CACNA1E: variants seen among roughly 807,000 people sequenced by gnomAD.
CACNA1E encodes the protein calcium voltage-gated channel subunit alpha1 E, also known as voltage-dependent R-type calcium channel subunit alpha-1E.
In CACNA1E, 40 loss-of-function variants were observed where a neutral mutation model predicts 259.2. The ratio of observed to expected loss-of-function variants is 0.15; its 90% confidence interval spans 0.12 to 0.20. The LOEUF is 0.20. Ranked by LOEUF, CACNA1E falls within the 10% of genes least tolerant of loss-of-function variation. CACNA1E has a pLI of 1.00. For missense variants in CACNA1E, 1,874 were observed against 3,040.1 expected (o/e 0.62, Z 9.02); for synonymous variants, 1,104 against 1,138.5 (o/e 0.97, Z 0.61).
At chr1:181,718,659 CACACA>C (rs1654148333) in intron 12 of CACNA1E, among the ~76,000 whole-genome samples, 2 of 148,536 alleles carry the variant, frequency 1.3e-5, no homozygotes, top group Non-Finnish European at 3.0e-5. Flanking sequence ...CACACACACA[CACACA>C]CACCCTTATA....
chr1:181,668,230 G>T (rs2102179937), intron 7 of CACNA1E, among the ~76,000 whole-genome samples: 1 of 152,260 alleles, frequency 6.6e-6, no homozygotes, highest in South Asian at 2.1e-4. Flanking sequence ...TTAAATAAAT[G>T]GAATCATAGG....
chr1:181,349,988 C>T (rs1652907648), intron 1 of CACNA1E, among the ~76,000 whole-genome samples: 1 of 152,122 alleles, frequency 6.6e-6, no homozygotes, highest in Non-Finnish European at 1.5e-5. Context: ...TAAAGAACCT[C>T]GCCTCCTCAA....
intron 7 of CACNA1E, among the ~76,000 whole-genome samples, chr1:181,674,744 C>G (rs1283540613): frequency 6.6e-6 from 1 of 152,110 alleles, no homozygotes; most frequent in African/African-American, 2.4e-5. Flanking sequence ...TCTCAAGTCT[C>G]TCTCTACACC....
At position 181,771,311 on chromosome 1, in the gene CACNA1E, T is replaced by C; in HGVS notation, c.4900T>C (p.Leu1634=). 1 of 1,584,122 alleles carries C rather than the reference T, an allele frequency of 6.3e-7. No individual in the cohort carries two copies. Among genetic ancestry groups the C allele is most frequent in the Non-Finnish European group, 8.6e-7 (1 of 1,160,412 alleles). ...IGMQVFGNIK[L]DEESHINRHN... Reference sequence around the variant, plus strand: ...CCTCAAGGTATTTGGAAACATAAAATTAGACGAGGAGAGTCACATCAACCG... The same window carrying C: ...CCTCAAGGTATTTGGAAACATAAAACTAGACGAGGAGAGTCACATCAACCG... The change falls in exon 36 of 48, where the codon TTA becomes CTA. Residue 1634 remains leucine (L), a synonymous_variant. Coordinates refer to ENST00000367573, the MANE Select transcript of CACNA1E (RefSeq NM_001205293.3).
At chr1:181,514,967 A>G (rs550919239) in intron 3 of CACNA1E, among the ~76,000 whole-genome samples, 10 of 152,136 alleles carry the variant, frequency 6.6e-5, no homozygotes, top group Non-Finnish European at 1.2e-4. Context: ...CATTTTACAG[A>G]TGAAGAAACC....
Position 181,805,870 on chromosome 1 carries a change from G to T in CACNA1E, c.*7036G>T, listed in dbSNP as rs1239085067. The stretch of plus-strand genomic sequence containing the variant: ...AATGGAGTAGAGGGTAGGAAGACAA[G>T]CTGTAGAACAAAAGCAAAGTGAGGT... On this transcript the variant is annotated 3_prime_UTR_variant, in exon 48 of 48. Transcript: ENST00000367573. 6.6e-6 allele frequency: 1 copy of T among 152,240 alleles called. No individual in the cohort carries two copies. The highest frequency in any genetic ancestry group is 2.4e-5 in the African/African-American group (1 of 41,456). 9.4% of individuals were successfully genotyped at this position (152,240 alleles called of 1,614,324 possible). A position where few individuals can be genotyped will look rare whatever the true frequency, so the allele number is the denominator to read the frequency against.
At chr1:181,695,062 G>A (rs975776960) in intron 7 of CACNA1E, among the ~76,000 whole-genome samples, 3 of 151,966 alleles carry the variant, frequency 2.0e-5, no homozygotes, top group East Asian at 1.9e-4. Flanking sequence ...AATTAATTGG[G>A]TTATATATGC....
chr1:181,610,074 G>T (rs1459144670), intron 6 of CACNA1E, among the ~76,000 whole-genome samples: 1 of 152,130 alleles, frequency 6.6e-6, no homozygotes, highest in Non-Finnish European at 1.5e-5. Flanking sequence ...GGAAAAGCCT[G>T]GTCCATTTGG....
chr1:181,441,098 G>C (rs958386623), intron 2 of CACNA1E, among the ~76,000 whole-genome samples: 28 of 150,836 alleles, frequency 1.9e-4, no homozygotes, highest in African/African-American at 6.8e-4. Context: ...TTCCACAGTG[G>C]ATGGCAAGGC....
chr1:181,697,166 G>A (rs1344840465), intron 7 of CACNA1E, among the ~76,000 whole-genome samples: 2 of 152,160 alleles, frequency 1.3e-5, no homozygotes, highest in African/African-American at 4.8e-5. Context: ...ACAAAAGCAG[G>A]GGAGGAAACA....
intron 7 of CACNA1E, among the ~76,000 whole-genome samples, chr1:181,673,242 GTA>G (rs1648996480): frequency 7.3e-6 from 1 of 137,538 alleles, no homozygotes; most frequent in African/African-American, 2.7e-5. Context: ...GTGTGTGTGT[GTA>G]TTTTTCCCCC....
At chr1:181,757,298 A>G (rs1019527207) in intron 30 of CACNA1E, among the ~76,000 whole-genome samples, 172 bp downstream of exon 30, 1 of 152,258 alleles carries the variant, frequency 6.6e-6, no homozygotes, top group Non-Finnish European at 1.5e-5. Context: ...GCACTGTTTA[A>G]GGCCCACGTA....
At chr1:181,419,607 T>G (rs1658570733) in intron 2 of CACNA1E, among the ~76,000 whole-genome samples, 1 of 152,230 alleles carries the variant, frequency 6.6e-6, no homozygotes, top group Admixed American at 6.5e-5. Context: ...AGTGCAAGCT[T>G]CTTGAAAGCA....
chr1:181,412,100 T>G (rs1037963360), intron 1 of CACNA1E, among the ~76,000 whole-genome samples: 2 of 152,268 alleles, frequency 1.3e-5, no homozygotes, highest in African/African-American at 4.8e-5. Context: ...CAACGCTGAT[T>G]GAATACGTAC....
chr1:181,652,114 A>T (rs943041488), intron 7 of CACNA1E: 3 of 152,268 alleles, frequency 2.0e-5, no homozygotes, highest in African/African-American at 2.4e-5. Context: ...TTTTGCTTGG[A>T]TTATGAAATA....
chr1:181,616,189 T>G (rs1184459861), intron 6 of CACNA1E, among the ~76,000 whole-genome samples: 1 of 152,234 alleles, frequency 6.6e-6, no homozygotes, highest in Non-Finnish European at 1.5e-5. Flanking sequence ...GAAGTTTTGA[T>G]ATTAAGGTTA....
At position 181,582,481 on chromosome 1, in the gene CACNA1E, T is replaced by C. The variant is rs145624885; in HGVS notation, c.951+1705T>C. ...TTGAGAGTGATGCATTTCAATTATATGTGTAGACTCACCTAAGTGATGTGA... is the reference window on the plus strand; with the variant it reads ...TTGAGAGTGATGCATTTCAATTATACGTGTAGACTCACCTAAGTGATGTGA... On this transcript the variant is annotated intron_variant, in intron 6 of 47. Transcript: ENST00000367573. Among the ~76,000 whole-genome samples, 261 of 152,322 alleles carry C rather than the reference T, an allele frequency of 1.7e-3. 5 individuals carry two copies. The highest frequency in any genetic ancestry group is 6.1e-3 in the African/African-American group (254 of 41,572).
rs1652515139 is a variant in CACNA1E, at chr1:181,345,431, G to C, written c.-15+27308G>C. On this transcript the variant is annotated intron_variant, in intron 1 of 11. Coordinates refer to the CACNA1E transcript ENST00000524607. ...ATGGTTCAATGTGGCCACATGCCGA[G>C]TTGCTGAGTTGGGGGGCCAGGGGGC... Among the ~76,000 whole-genome samples the C allele has an allele frequency of 2.0e-5, 3 of 152,204 alleles. No homozygotes were observed. In the South Asian group the frequency reaches 6.2e-4, roughly 31 times the overall value.
intron 1 of CACNA1E, among the ~76,000 whole-genome samples, chr1:181,499,847 A>G (rs1277791425): frequency 6.6e-6 from 1 of 152,132 alleles, no homozygotes; most frequent in Non-Finnish European, 1.5e-5. Flanking sequence ...CAGTTACCTG[A>G]CTTCCTTCTG....
Sources: gnomAD v4.1 joint callset for allele counts (sites outside exome capture counted in the v4.1 genomes callset) on GRCh38, gnomAD v4.1.1 for gene constraint, MANE v1.5 for transcripts, NCBI Gene and HGNC (gene_info 2026-07-23, HGNC 2026-07-21) for gene names.